Variants in ABHD2 observed in about 807,000 individuals in gnomAD.
ABHD2 encodes abhydrolase domain containing 2, acylglycerol lipase.
Under a neutral mutation model 48.1 loss-of-function variants are expected in ABHD2, and 20 were observed. That is an observed-to-expected ratio of 0.42 (90% confidence interval 0.29 to 0.60). The LOEUF (loss-of-function observed/expected upper bound fraction) is 0.60, where lower values mean the gene tolerates loss of function less well. ABHD2 is among the 20% of genes least tolerant of loss of function. The pLI is 0.24. For synonymous variants in ABHD2, 209 were observed against 214.2 expected, an observed-to-expected ratio of 0.98 and a Z score of 0.21; for missense variants, 405 against 550.9, an observed-to-expected ratio of 0.74 and a Z score of 2.65.
chr15:89,161,720 A>C (rs1390922967), intron 5 of ABHD2, among the ~76,000 whole-genome samples: 2 of 152,224 alleles, frequency 1.3e-5, no homozygotes. Flanking sequence ...ATTTTGAAGC[A>C]AGCCCCAGAC....
intron 3 of ABHD2, among the ~76,000 whole-genome samples, chr15:89,125,065 G>C (rs1255139544): frequency 6.6e-6 from 1 of 151,784 alleles, no homozygotes; most frequent in Non-Finnish European, 1.5e-5. Context: ...CTCCAGCCTT[G>C]GGGACAAGAG....
chr15:89,103,995 C>G (rs911812142), intron 1 of ABHD2: 5 of 152,202 alleles, frequency 3.3e-5, no homozygotes, highest in African/African-American at 1.2e-4. Context: ...ACCTTCAGGC[C>G]TTCTGCTCTA....
At position 89,179,166 on chromosome 15, in the gene ABHD2, G is replaced by C. The variant is rs976255250; in HGVS notation, c.722+3171G>C. 2.6e-5 allele frequency among the ~76,000 whole-genome samples: 4 copies of C among 152,222 alleles called. No homozygotes were observed. Among genetic ancestry groups the C allele is most frequent in the African/African-American group, 9.6e-5 (4 of 41,466 alleles). ...TCCATGAGGAGGGATTTCTGAAGGA[G>C]GTGAGGGTGAGGAGGACAGTAGCAC... is the stretch of plus-strand genomic sequence containing the variant. On this transcript the variant is annotated intron_variant, in intron 6 of 10. Coordinates refer to ENST00000352732, the MANE Select transcript of ABHD2 (RefSeq NM_152924.5). The surrounding 1 kb of genome is among the most constrained non-coding windows in gnomAD (Gnocchi z 4.3).
intron 5 of ABHD2, among the ~76,000 whole-genome samples, chr15:89,162,826 G>A (rs34208786): frequency 0.47 from 71,804 of 151,966 alleles, 18,870 homozygotes; most frequent in East Asian, 0.79. Context: ...CTCCATCCCA[G>A]AAGTTCACTC....
At chr15:89,078,025 C>A in the ABHD2 span, among the ~76,000 whole-genome samples, 13 of 152,174 alleles carry the variant, frequency 8.5e-5, no homozygotes, top group Non-Finnish European at 1.5e-4. Context: ...AAAATCTCAA[C>A]AGATCTAAAG....
the ABHD2 span, among the ~76,000 whole-genome samples, chr15:89,049,752 G>A: frequency 2.4e-3 from 365 of 152,308 alleles, no homozygotes; most frequent in African/African-American, 8.0e-3. Context: ...TTTGGCTGGC[G>A]CATGATGCAC....
chr15:89,119,226 G>A (rs1301792270), intron 3 of ABHD2, among the ~76,000 whole-genome samples: 2 of 152,176 alleles, frequency 1.3e-5, no homozygotes, highest in South Asian at 2.1e-4. Context: ...TTTGATGATA[G>A]GACCAGCCCT....
intron 10 of ABHD2, among the ~76,000 whole-genome samples, chr15:89,194,706 T>C: frequency 6.6e-6 from 1 of 152,184 alleles, no homozygotes; most frequent in East Asian, 1.9e-4. Context: ...TTTTTAAAAA[T>C]GCAGAATCTC....
rs534821368 is a variant in ABHD2, at chr15:89,102,837, C to T, written c.-106-10888C>T. On this transcript the variant is annotated intron_variant, in intron 1 of 10. Transcript: ENST00000352732. The surrounding 1 kb of genome is among the most constrained non-coding windows in gnomAD (Gnocchi z 4.8). ...GCAAATGCCTGCCTGATACAGGCAA[C>T]GTTTGCACAAAAACCCAAAGGAAGA... Among the ~76,000 whole-genome samples, 27 of 152,306 alleles carry T rather than the reference C, an allele frequency of 1.8e-4. No homozygotes were observed. The highest frequency in any genetic ancestry group is 9.1e-4 in the Admixed American group (14 of 15,312).
intron 3 of ABHD2, among the ~76,000 whole-genome samples, chr15:89,125,312 C>A (rs917198810): frequency 1.3e-5 from 2 of 151,592 alleles, no homozygotes; most frequent in African/African-American, 4.9e-5. Flanking sequence ...AAACTATTAA[C>A]AAGTGATTGG....
chr15:89,055,434 C>G, the ABHD2 span, among the ~76,000 whole-genome samples: 1 of 151,370 alleles, frequency 6.6e-6, no homozygotes, highest in African/African-American at 2.4e-5. Context: ...TCAAGCGATC[C>G]TCTCTCTCCT....
chr15:89,117,477 G>A (rs2049979916), intron 3 of ABHD2, among the ~76,000 whole-genome samples: 2 of 152,244 alleles, frequency 1.3e-5, no homozygotes, highest in African/African-American at 4.8e-5. Flanking sequence ...TCTTCTGAAT[G>A]ACTGTGTCTT....
At position 89,114,671 on chromosome 15, in the gene ABHD2, C is replaced by T. The variant is rs986545042; in HGVS notation, c.-7+847C>T. ...CAAATTTTTGTATTTTTGGTAGAGA[C>T]AGGATTTCACCATGTTGGCCAGGGC... On this transcript the variant is annotated intron_variant, in intron 2 of 10. Transcript: ENST00000352732. The surrounding 1 kb of genome is among the most constrained non-coding windows in gnomAD (Gnocchi z 4.2). Among the ~76,000 whole-genome samples, 3 of 151,950 alleles carry T rather than the reference C, an allele frequency of 2.0e-5. No homozygotes were observed. The highest frequency in any genetic ancestry group is 2.1e-4 in the South Asian group (1 of 4,820).
At chr15:89,163,700 A>T (rs554965501) in intron 5 of ABHD2, among the ~76,000 whole-genome samples, 1 of 152,124 alleles carries the variant, frequency 6.6e-6, no homozygotes, top group South Asian at 2.1e-4. Flanking sequence ...TTAAAAAGAC[A>T]TTTTCCCCAC....
intron 3 of ABHD2, among the ~76,000 whole-genome samples, chr15:89,142,954 A>C (rs62020265): frequency 6.6e-6 from 1 of 152,154 alleles, no homozygotes; most frequent in African/African-American, 2.4e-5. Context: ...TTTCTTTGGG[A>C]AAATATTTTC....
At chr15:89,144,248 C>T (rs2050455292) in intron 3 of ABHD2, among the ~76,000 whole-genome samples, 1 of 152,162 alleles carries the variant, frequency 6.6e-6, no homozygotes, top group South Asian at 2.1e-4. Flanking sequence ...ATTCTCCTGC[C>T]TCAGCCTCCC....
the ABHD2 span, among the ~76,000 whole-genome samples, chr15:89,043,373 C>T: frequency 6.6e-6 from 1 of 151,914 alleles, no homozygotes; most frequent in African/African-American, 2.4e-5. Context: ...TTAGGGTGAG[C>T]TATCTTTGTG....
chr15:89,051,624 G>A, the ABHD2 span, among the ~76,000 whole-genome samples: 2 of 152,228 alleles, frequency 1.3e-5, no homozygotes, highest in Admixed American at 6.5e-5. Flanking sequence ...TCATGGGGGC[G>A]GGTCTTTCCC....
At chr15:89,149,840 A>T (rs2050562259) in intron 3 of ABHD2, among the ~76,000 whole-genome samples, 1 of 152,210 alleles carries the variant, frequency 6.6e-6, no homozygotes, top group East Asian at 1.9e-4. Flanking sequence ...TCCTAGGCCA[A>T]GTGAGGACCC....
Sources: gnomAD v4.1 joint callset for allele counts (sites outside exome capture counted in the v4.1 genomes callset) on GRCh38, gnomAD v4.1.1 for gene constraint, Gnocchi (gnomAD v3.1) non-coding constraint, MANE v1.5 for transcripts, NCBI Gene and HGNC (gene_info 2026-07-23, HGNC 2026-07-21) for gene names.